Variants in INO80D observed in about 807,000 individuals in gnomAD.
The protein encoded by INO80D is INO80 complex subunit D.
Under a neutral mutation model 87.6 loss-of-function variants are expected in INO80D, and 21 were observed. The ratio of observed to expected loss-of-function variants is 0.24; its 90% CI spans 0.17 to 0.35. The LOEUF (loss-of-function observed/expected upper bound fraction) is 0.35. INO80D is among the 10% of genes least tolerant of loss of function. The probability of loss-of-function intolerance (pLI) is 1.00; values close to 1 mark genes in which losing one functional copy is unlikely to be tolerated. For missense variants in INO80D, 982 were observed against 1,280.7 expected, an observed-to-expected ratio of 0.77 and a Z score of 3.56; for synonymous variants, 440 against 491.0, an observed-to-expected ratio of 0.90 and a Z score of 1.37.
Position 206,039,366 on chromosome 2 carries a change from C to T in INO80D, c.1073+7138G>A, listed in dbSNP as rs144054924. Reference sequence around the variant, plus strand: ...GAGCCGAGATTGCGCCATTGTACTCCGGCCTGGGCAACAAAAGCAAAACGA... The same window carrying T: ...GAGCCGAGATTGCGCCATTGTACTCTGGCCTGGGCAACAAAAGCAAAACGA... On this transcript the variant is annotated intron_variant, in intron 5 of 10. Transcript: ENST00000403263. Among the ~76,000 whole-genome samples, 1,100 of 151,882 alleles carry T rather than the reference C, an allele frequency of 7.2e-3. 24 individuals carry two copies. The highest frequency in any genetic ancestry group is 0.038 in the Admixed American group (584 of 15,232).
intron 4 of INO80D, among the ~76,000 whole-genome samples, chr2:206,053,475 T>G (rs1322969841): frequency 6.6e-6 from 1 of 152,170 alleles, no homozygotes; most frequent in Non-Finnish European, 1.5e-5. Context: ...AATTTATTAT[T>G]TTTGTTTATA....
chr2:206,000,525 C>T lies in INO80D; in HGVS notation c.*3843G>A, dbSNP rs572516525. On this transcript the variant is annotated 3_prime_UTR_variant, in exon 11 of 11. Coordinates refer to ENST00000403263, the MANE Select transcript of INO80D (RefSeq NM_017759.5). ...GTATAGGTCAACAGAAAGGTCAATT[C>T]TTTCATGTAAGAAGAAAACCGTATG... 27 of 151,824 alleles carry T rather than the reference C, an allele frequency of 1.8e-4. No homozygotes were observed. The highest frequency in any genetic ancestry group is 6.5e-4 in the African/African-American group (27 of 41,372). The allele number at this position is 151,824 out of a possible 1,614,324, so 9.4% of individuals were successfully genotyped here. A position where few individuals can be genotyped will look rare whatever the true frequency, so the allele number is the denominator to read the frequency against.
intron 10 of INO80D, 88 bp from the exon 11 acceptor site, chr2:206,005,621 A>G: frequency 1.9e-6 from 2 of 1,077,294 alleles, no homozygotes; most frequent in Non-Finnish European, 2.6e-6. Context: ...TTTAAACAAT[A>G]TTCGATTTAA....
intron 5 of INO80D, among the ~76,000 whole-genome samples, chr2:206,036,702 C>G (rs1005107866): frequency 3.0e-4 from 46 of 152,040 alleles, no homozygotes; most frequent in African/African-American, 1.0e-3. Flanking sequence ...ACCCCAATAA[C>G]CTATGGAAAA....
intron 1 of INO80D, among the ~76,000 whole-genome samples, chr2:206,075,039 C>CAAAAAAAAAAAAAAAAAAAAAAAAAAAA (rs56081344): frequency 1.3e-4 from 15 of 117,700 alleles, no homozygotes; most frequent in South Asian, 5.6e-4. Flanking sequence ...AACTCCATCT[C>CAAAAAAAAAAAAAAAAAAAAAAAAAAAA]AAAAAAAAAA....
chr2:206,049,343 G>A (rs1485512372), intron 4 of INO80D, among the ~76,000 whole-genome samples: 1 of 152,102 alleles, frequency 6.6e-6, no homozygotes, highest in East Asian at 1.9e-4. Flanking sequence ...TAATTTGTAG[G>A]GGGAAAAGGT....
intron 5 of INO80D, among the ~76,000 whole-genome samples, chr2:206,041,971 AAAAAATTAAAATT>A (rs1437425480): frequency 6.6e-6 from 1 of 151,952 alleles, no homozygotes; most frequent in Non-Finnish European, 1.5e-5. Context: ...CAAGAAAATA[AAAAAATTAAAATT>A]AGCCAGGTGT....
rs1445995859 is a variant in INO80D, at chr2:206,056,859, C to T, written c.303G>A (p.Lys101=). The T allele has an allele frequency of 8.1e-6, 13 of 1,611,366 alleles. No homozygotes were observed. The East Asian group carries it at 2.5e-4, about 30-fold the overall frequency. ...KKKNDPIDEV[K]VRHQMDTMAF... ...CCATGGTATCCATCTGGTGCCTGACCTTCACCTCATCTATAGGATCATTCT... is the reference window on the plus strand; with the variant it reads ...CCATGGTATCCATCTGGTGCCTGACTTTCACCTCATCTATAGGATCATTCT... Residue 101 remains lysine, a synonymous_variant, in exon 4 of 11, where the codon AAG becomes AAA. Transcript: ENST00000403263.
rs533526453 is a variant in INO80D at position 206,000,027 on chromosome 2, T to C, written c.*4341A>G. On this transcript the variant is annotated 3_prime_UTR_variant, in exon 11 of 11. Coordinates refer to ENST00000403263, the MANE Select transcript of INO80D (RefSeq NM_017759.5). Reference sequence around the variant, plus strand: ...CAGGAAAAAAATCCTTGGAACAATGTAAATACTGGTAACAAAAGAGATACA... The same window carrying C: ...CAGGAAAAAAATCCTTGGAACAATGCAAATACTGGTAACAAAAGAGATACA... 1 of 152,216 alleles carries C rather than the reference T, an allele frequency of 6.6e-6. No homozygotes were observed. The highest frequency in any genetic ancestry group is 2.1e-4 in the South Asian group (1 of 4,820). 9.4% of individuals were successfully genotyped at this position (152,216 alleles called of 1,614,324 possible). A position where few individuals can be genotyped will look rare whatever the true frequency, so the allele number is the denominator to read the frequency against.
chr2:206,037,315 C>T (rs1160294384), intron 5 of INO80D, among the ~76,000 whole-genome samples: 1 of 152,116 alleles, frequency 6.6e-6, no homozygotes, highest in Non-Finnish European at 1.5e-5. Flanking sequence ...TCAAGGCATG[C>T]CATGAACTTC....
At position 206,056,736 on chromosome 2, in the gene INO80D, G is replaced by A; in HGVS notation, c.426C>T (p.Tyr142=). 3 of 1,613,414 alleles carry A rather than the reference G, an allele frequency of 1.9e-6. No homozygotes were observed. Among genetic ancestry groups the A allele is most frequent in the Non-Finnish European group, 2.5e-6 (3 of 1,179,674 alleles). The change falls in exon 4 of 11, where the codon TAC becomes TAT. Residue 142 remains tyrosine, a synonymous_variant. Transcript: ENST00000403263. The part of the protein sequence containing the change: ...SPPGARVPLH[Y]LETELEDPFA... Reference sequence around the variant, plus strand: ...ATGGGTCTTCCAATTCGGTTTCCAGGTAGTGGAGAGGGACCCTTGCCCCAG... The same window carrying A: ...ATGGGTCTTCCAATTCGGTTTCCAGATAGTGGAGAGGGACCCTTGCCCCAG...
At chr2:206,028,531 A>G (rs928107741) in intron 5 of INO80D, among the ~76,000 whole-genome samples, 196 bp from the exon 6 acceptor site, 1 of 152,234 alleles carries the variant, frequency 6.6e-6, no homozygotes, top group Admixed American at 6.5e-5. Flanking sequence ...CAGTAAGGAC[A>G]GAGTTAATCC....
At chr2:206,082,426 TTGAG>T (rs1252477426) in intron 1 of INO80D, among the ~76,000 whole-genome samples, 1 of 152,238 alleles carries the variant, frequency 6.6e-6, no homozygotes, top group Non-Finnish European at 1.5e-5. Flanking sequence ...AGGTTTTAAA[TTGAG>T]TATTTCCTCA....
chr2:206,068,719 A>T, intron 1 of INO80D, among the ~76,000 whole-genome samples: 1 of 151,256 alleles, frequency 6.6e-6, no homozygotes. Context: ...CTTTTTTTTG[A>T]GACAGTGTCT....
intron 5 of INO80D, chr2:206,040,556 C>A (rs1222498853): frequency 2.8e-5 from 7 of 247,832 alleles, no homozygotes; most frequent in Non-Finnish European, 6.1e-5. Flanking sequence ...TACATCCAAG[C>A]TCTCGTGGTT....
intron 5 of INO80D, among the ~76,000 whole-genome samples, chr2:206,045,864 A>G (rs943763434): frequency 3.3e-5 from 5 of 152,226 alleles, no homozygotes; most frequent in Non-Finnish European, 1.5e-5. Context: ...GACTCCACGT[A>G]GCCCCCCAAG....
intron 6 of INO80D, among the ~76,000 whole-genome samples, chr2:206,023,539 C>G (rs1029403483): frequency 6.6e-6 from 1 of 151,762 alleles, no homozygotes; most frequent in Non-Finnish European, 1.5e-5. Flanking sequence ...AAAAATTAGC[C>G]GGGCATAGTG....
At chr2:206,007,253 C>T in intron 10 of INO80D, 31 bp downstream of exon 10, 1 of 1,587,366 alleles carries the variant, frequency 6.3e-7, no homozygotes, top group East Asian at 2.2e-5. Flanking sequence ...TTTTTAAAAC[C>T]AGTTTCCTTG....
rs1388374051 is a variant in INO80D at position 206,000,944 on chromosome 2, A to G, written c.*3424T>C. On this transcript the variant is annotated 3_prime_UTR_variant, in exon 11 of 11. Transcript: ENST00000403263. The stretch of plus-strand genomic sequence containing the variant: ...CCTGCCAACATGAAATTGCTCAGGA[A>G]GTCATTTATAAAGCAGTTATATCAC... 5 of 152,242 alleles carry G rather than the reference A, an allele frequency of 3.3e-5. No individual in the cohort carries two copies. Among genetic ancestry groups the G allele is most frequent in the Admixed American group, 1.3e-4 (2 of 15,280 alleles). 9.4% of individuals were successfully genotyped at this position (152,242 alleles called of 1,614,324 possible).
Sources: gnomAD v4.1 joint callset for allele counts (sites outside exome capture counted in the v4.1 genomes callset) on GRCh38, gnomAD v4.1.1 for gene constraint, MANE v1.5 for transcripts, NCBI Gene and HGNC (gene_info 2026-07-23, HGNC 2026-07-21) for gene names.